The following SYN2 variants were observed in gnomAD, a reference collection of about 807,000 sequenced individuals.
SYN2 encodes the protein synapsin-2.
In SYN2, 19 loss-of-function variants were observed where a neutral mutation model predicts 50.9. That is an observed-to-expected ratio of 0.37 (90% CI 0.26 to 0.55). SYN2 has a LOEUF of 0.55. SYN2 is among the 20% of genes least tolerant of loss of function. The pLI, the probability that SYN2 is intolerant of heterozygous loss-of-function variation, is 0.81. For synonymous variants in SYN2, 255 were observed against 224.9 expected (o/e 1.13, Z -1.20); for missense variants, 587 against 576.4 (o/e 1.02, Z -0.19).
intron 1 of SYN2, among the ~76,000 whole-genome samples, chr3:12,114,947 C>T (rs572215222): frequency 5.2e-4 from 79 of 152,198 alleles, no homozygotes; most frequent in African/African-American, 1.9e-3. Context: ...TCTGTCACCC[C>T]GAATCTTTCC....
intron 1 of SYN2, among the ~76,000 whole-genome samples, chr3:12,043,362 A>G (rs978655205): frequency 4.6e-5 from 7 of 152,212 alleles, no homozygotes; most frequent in African/African-American, 1.7e-4. Flanking sequence ...ACTTTTTTAA[A>G]GCCACCAAAT....
chr3:12,043,195 A>T (rs1450583097), intron 1 of SYN2, among the ~76,000 whole-genome samples: 3 of 152,008 alleles, frequency 2.0e-5, no homozygotes, highest in African/African-American at 4.8e-5. Flanking sequence ...GCTAATTTTT[A>T]AAAAATTTCA....
At chr3:12,139,105 A>G (rs190906277) in intron 1 of SYN2, among the ~76,000 whole-genome samples, 2 of 152,256 alleles carry the variant, frequency 1.3e-5, no homozygotes, top group East Asian at 1.9e-4. Context: ...TGGGGGGTGG[A>G]CTTAAGTGGT....
At chr3:12,084,310 C>T (rs766979703) in intron 1 of SYN2, among the ~76,000 whole-genome samples, 2 of 151,702 alleles carry the variant, frequency 1.3e-5, no homozygotes, top group Non-Finnish European at 2.9e-5. Flanking sequence ...TGTCTTATAC[C>T]CTGCAGATGC....
At chr3:12,019,324 G>A (rs74859369) in intron 1 of SYN2, among the ~76,000 whole-genome samples, 4,664 of 152,208 alleles carry the variant, frequency 0.031, 156 homozygotes, top group East Asian at 0.19. Context: ...GAGTGAGCCC[G>A]TGAGCTAACC....
intron 1 of SYN2, among the ~76,000 whole-genome samples, chr3:12,033,411 A>G (rs527872500): frequency 6.6e-6 from 1 of 152,360 alleles, no homozygotes; most frequent in East Asian, 1.9e-4. Context: ...GGAATGAAAC[A>G]GACTGTGCTG....
In SYN2 at chr3:12,168,253, A is replaced by G. The variant is rs114489621; in HGVS notation, c.1056-123A>G. 1,107 of 734,380 alleles carry G rather than the reference A, an allele frequency of 1.5e-3. 9 individuals carry two copies. In the African/African-American group the frequency reaches 0.017, roughly 11 times the overall value. 45.5% of individuals were successfully genotyped at this position (734,380 alleles called of 1,614,324 possible). On this transcript the variant is annotated intron_variant, in intron 8 of 12. Coordinates refer to ENST00000621198, the MANE Select transcript of SYN2 (RefSeq NM_133625.6). ...AAGGGTATGTGCTTGATACGGGTAG[A>G]TGGAGGGAGCAGTGGGAATGGGAGG...
At chr3:12,008,491 G>A (rs1303281903) in intron 1 of SYN2, among the ~76,000 whole-genome samples, 1 of 152,154 alleles carries the variant, frequency 6.6e-6, no homozygotes, top group African/African-American at 2.4e-5. Flanking sequence ...ATTTTGAACT[G>A]CAGAATCTCC....
chr3:12,140,653 C>T lies in SYN2; in HGVS notation c.380C>T (p.Ala127Val). 1 of 760,754 alleles carries T rather than the reference C, an allele frequency of 1.3e-6. No homozygotes were observed. Among genetic ancestry groups the T allele is most frequent in the Non-Finnish European group, 2.5e-6 (1 of 407,354 alleles). 47.1% of individuals were successfully genotyped at this position (760,754 alleles called of 1,614,324 possible). The change falls in exon 2 of 13, where the codon GCC becomes GTC. Residue 127 changes from alanine to valine, a missense_variant and splice_region_variant. Transcript: ENST00000621198. ...TGTGGGTTTATTCTTTTCTCCAGGG[C>T]CAAGTGCTTTCGGGGCAAAAAAGTC... Reference protein sequence around the residue: ...LVVDEPHADWAKCFRGKKVLG... With the variant: ...LVVDEPHADWVKCFRGKKVLG...
chr3:12,004,873 G>A lies in SYN2; in HGVS notation c.322G>A (p.Ala108Thr), dbSNP rs1419466386. The change falls in exon 1 of 13, where the codon GCA becomes ACA. Residue 108 changes from alanine (A) to threonine (T), a missense_variant. Transcript: ENST00000621198. Reference protein sequence around the residue: ...GLVDAPAPAPAAARKAKVLLV... With the variant: ...GLVDAPAPAPTAARKAKVLLV... Reference sequence around the variant, plus strand: ...GGTGGACGCGCCCGCTCCCGCGCCCGCAGCCGCCAGGAAGGCCAAGGTGCT... The same window carrying A: ...GGTGGACGCGCCCGCTCCCGCGCCCACAGCCGCCAGGAAGGCCAAGGTGCT... The A allele has an allele frequency of 3.5e-6, 2 of 571,248 alleles. No individual in the cohort carries two copies. Among genetic ancestry groups the A allele is most frequent in the South Asian group, 2.0e-5 (1 of 49,610 alleles). 35.4% of individuals were successfully genotyped at this position (571,248 alleles called of 1,614,324 possible).
intron 5 of SYN2, chr3:12,156,774 G>A: frequency 6.6e-7 from 1 of 1,507,640 alleles, no homozygotes; most frequent in South Asian, 1.1e-5. Context: ...CCTCCCCTAG[G>A]GCAGAATCTA....
At chr3:12,051,959 G>T (rs1334984384) in intron 1 of SYN2, among the ~76,000 whole-genome samples, 1 of 152,146 alleles carries the variant, frequency 6.6e-6, no homozygotes, top group Non-Finnish European at 1.5e-5. Flanking sequence ...TTGCCTCTTA[G>T]TTGGCTCCCT....
At chr3:12,074,249 C>G (rs978201521) in intron 1 of SYN2, among the ~76,000 whole-genome samples, 4 of 152,064 alleles carry the variant, frequency 2.6e-5, no homozygotes, top group African/African-American at 9.7e-5. Context: ...GCAAAACAGC[C>G]TATAAATGAA....
At chr3:12,171,214 T>C (rs147098790) in intron 10 of SYN2, among the ~76,000 whole-genome samples, 1 of 152,194 alleles carries the variant, frequency 6.6e-6, no homozygotes, top group Admixed American at 6.5e-5. Context: ...CTGTTAGAGA[T>C]ACAAACCCAC....
intron 1 of SYN2, among the ~76,000 whole-genome samples, chr3:12,110,399 G>A (rs940475238): frequency 1.3e-5 from 2 of 152,112 alleles, no homozygotes; most frequent in African/African-American, 4.8e-5. Flanking sequence ...CCGGGCACTT[G>A]GTGCAAGCTG....
At chr3:12,066,868 G>A (rs1267351239) in intron 1 of SYN2, among the ~76,000 whole-genome samples, 2 of 152,134 alleles carry the variant, frequency 1.3e-5, no homozygotes, top group South Asian at 4.1e-4. Context: ...AGCTTACAAT[G>A]ATGGCAGAAG....
intron 1 of SYN2, among the ~76,000 whole-genome samples, chr3:12,140,138 T>G (rs1696980823): frequency 6.6e-6 from 1 of 152,260 alleles, no homozygotes; most frequent in East Asian, 1.9e-4. Flanking sequence ...TTGATTGTTC[T>G]TTAATCCTTA....
chr3:12,032,979 T>A (rs570966590), intron 1 of SYN2, among the ~76,000 whole-genome samples: 1 of 117,428 alleles, frequency 8.5e-6, no homozygotes, highest in Non-Finnish European at 1.8e-5. Flanking sequence ...GTTTCCAGTT[T>A]TTCTGTTCTG....
chr3:12,007,819 T>C (rs1693829805), intron 1 of SYN2, among the ~76,000 whole-genome samples: 1 of 152,228 alleles, frequency 6.6e-6, no homozygotes, highest in African/African-American at 2.4e-5. Flanking sequence ...TTGTGGGCAA[T>C]TGGAGACCCC....
Sources: gnomAD v4.1 joint callset for allele counts (sites outside exome capture counted in the v4.1 genomes callset) on GRCh38, gnomAD v4.1.1 for gene constraint, MANE v1.5 for transcripts, NCBI Gene and HGNC (gene_info 2026-07-23, HGNC 2026-07-21) for gene names.